The following MEIKIN variants were observed in gnomAD, a reference collection of about 807,000 sequenced individuals.
MEIKIN encodes the protein meiosis-specific kinetochore protein.
intron 8 of MEIKIN, among the ~76,000 whole-genome samples, chr5:131,885,273 A>ATTGGG (rs1475570526): frequency 6.6e-6 from 1 of 150,476 alleles, no homozygotes; most frequent in Non-Finnish European, 1.5e-5. Flanking sequence ...CAGTCCCAGT[A>ATTGGG]TTGGGAATTG....
intron 9 of MEIKIN, among the ~76,000 whole-genome samples, chr5:131,858,405 ACTC>A (rs1750231892): frequency 6.6e-6 from 1 of 152,152 alleles, no homozygotes; most frequent in East Asian, 1.9e-4. Flanking sequence ...CTGAAACTGA[ACTC>A]CTTCCTTATA....
At position 131,819,539 on chromosome 5, in the gene MEIKIN, G is replaced by A. The variant is rs575014366; in HGVS notation, c.976-676C>T. On this transcript the variant is annotated intron_variant, in intron 11 of 12. Transcript: ENST00000442687. ...ATATCTTGTTTTTTAGAATTAAGAA[G>A]CAGAGATGTATTTATCCAGGGCTTC... 4.0e-5 allele frequency among the ~76,000 whole-genome samples: 6 copies of A among 151,786 alleles called. No individual in the cohort carries two copies. In the East Asian group the frequency reaches 1.2e-3, roughly 29 times the overall value.
chr5:131,911,933 C>T (rs1751340675), intron 7 of MEIKIN, 54 bp from the exon 8 acceptor site: 1 of 396,064 alleles, frequency 2.5e-6, no homozygotes, highest in Non-Finnish European at 4.5e-6. Flanking sequence ...CAGTAACTTT[C>T]AAAAACCCTC....
intron 5 of MEIKIN, among the ~76,000 whole-genome samples, chr5:131,928,037 G>A (rs1000624672): frequency 2.0e-5 from 3 of 151,626 alleles, no homozygotes; most frequent in Admixed American, 6.6e-5. Context: ...CCAGCTACAC[G>A]GGAGGCTGAG....
chr5:131,892,868 G>C (rs979864020), intron 8 of MEIKIN, among the ~76,000 whole-genome samples: 3 of 152,148 alleles, frequency 2.0e-5, no homozygotes, highest in African/African-American at 7.2e-5. Flanking sequence ...GGTCTTTGAT[G>C]ATGGTGACGT....
chr5:131,871,077 G>A (rs1043828520), intron 9 of MEIKIN, among the ~76,000 whole-genome samples: 2 of 152,228 alleles, frequency 1.3e-5, no homozygotes, highest in South Asian at 2.1e-4. Flanking sequence ...CATGAGCGAC[G>A]CAGAAGACGG....
chr5:131,859,851 T>G (rs1400283062), intron 9 of MEIKIN, among the ~76,000 whole-genome samples: 2 of 152,154 alleles, frequency 1.3e-5, no homozygotes, highest in Non-Finnish European at 2.9e-5. Context: ...TTGTTGAAGA[T>G]CAGTTGGCTG....
At chr5:131,900,655 G>A (rs1050940546) in intron 8 of MEIKIN, among the ~76,000 whole-genome samples, 11 of 152,208 alleles carry the variant, frequency 7.2e-5, no homozygotes, top group African/African-American at 2.7e-4. Flanking sequence ...ACAGCCCAGG[G>A]TAGTCTTGCC....
At chr5:131,840,263 C>T (rs1320922234) in intron 11 of MEIKIN, among the ~76,000 whole-genome samples, 1 of 152,130 alleles carries the variant, frequency 6.6e-6, no homozygotes, top group Non-Finnish European at 1.5e-5. Context: ...TTGTGGGTGA[C>T]CTGACCTTTT....
At position 131,941,251 on chromosome 5, in the gene MEIKIN, C is replaced by T. The variant is rs561813300; in HGVS notation, c.349+1384G>A. 1.5e-4 allele frequency among the ~76,000 whole-genome samples: 21 copies of T among 139,272 alleles called. 1 individual carries two copies. The highest frequency in any genetic ancestry group is 6.1e-4 in the African/African-American group (21 of 34,276). 91.4% of individuals were successfully genotyped at this position (139,272 alleles called of 152,430 possible). ...TTGGCTCACTGCAACCTCCGCCTCCCGGGTTCAAGCGATTCTCTTGTCTCA... is the reference window on the plus strand; with the variant it reads ...TTGGCTCACTGCAACCTCCGCCTCCTGGGTTCAAGCGATTCTCTTGTCTCA... On this transcript the variant is annotated intron_variant, in intron 4 of 12. Coordinates refer to ENST00000442687, the MANE Select transcript of MEIKIN (RefSeq NM_001303622.2).
Position 131,844,308 on chromosome 5 carries a change from GA to G in MEIKIN, c.975+6955del, listed in dbSNP as rs1324996492. Reference sequence around the variant, plus strand: ...CACCTAAAACAACAAAAATAAATCAGAAAAAAATATATGAAACAACAGTTTT... The same window carrying G: ...CACCTAAAACAACAAAAATAAATCAGAAAAAATATATGAAACAACAGTTTT... On this transcript the variant is annotated intron_variant, in intron 11 of 12. Transcript: ENST00000442687. 2.0e-5 allele frequency among the ~76,000 whole-genome samples: 3 copies of G among 151,994 alleles called. No homozygotes were observed. In the South Asian group the frequency reaches 6.2e-4, roughly 32 times the overall value.
intron 8 of MEIKIN, among the ~76,000 whole-genome samples, chr5:131,890,090 GA>G (rs1750881583): frequency 6.6e-6 from 1 of 152,146 alleles, no homozygotes; most frequent in Non-Finnish European, 1.5e-5. Context: ...TAAGCTTTTT[GA>G]TGTGCTGCTG....
chr5:131,903,960 TA>T (rs200477532), intron 8 of MEIKIN, among the ~76,000 whole-genome samples: 15 of 143,730 alleles, frequency 1.0e-4, no homozygotes, highest in African/African-American at 3.3e-4. Context: ...CCAAGCCAAT[TA>T]AAAAAAAACA....
chr5:131,904,069 T>C, intron 8 of MEIKIN, among the ~76,000 whole-genome samples: 1 of 152,068 alleles, frequency 6.6e-6, no homozygotes, highest in African/African-American at 2.4e-5. Context: ...AAGAAGGGCA[T>C]TACATAATCT....
At chr5:131,831,470 T>C (rs900158226) in intron 11 of MEIKIN, among the ~76,000 whole-genome samples, 13 of 152,196 alleles carry the variant, frequency 8.5e-5, no homozygotes, top group Non-Finnish European at 1.5e-4. Flanking sequence ...AGTGGGGAGA[T>C]TGCTTAAGCC....
chr5:131,842,038 T>C (rs1489051172), intron 11 of MEIKIN, among the ~76,000 whole-genome samples: 1 of 152,010 alleles, frequency 6.6e-6, no homozygotes, highest in African/African-American at 2.4e-5. Context: ...TCTCACTCTG[T>C]CTCCAGTCTG....
intron 4 of MEIKIN, among the ~76,000 whole-genome samples, chr5:131,935,267 C>CAAAA (rs749135114): frequency 0.018 from 599 of 32,690 alleles, no homozygotes; most frequent in Middle Eastern, 0.042. Context: ...CCCGTCTCTA[C>CAAAA]AAAAAAAAAA....
intron 6 of MEIKIN, among the ~76,000 whole-genome samples, chr5:131,921,390 GC>G (rs1182340157): frequency 1.3e-5 from 2 of 151,374 alleles, no homozygotes; most frequent in Non-Finnish European, 2.9e-5. Context: ...GGGAGCAGTG[GC>G]TCACACCTGT....
rs112114120 is a variant in MEIKIN, at chr5:131,833,488, C to T, written c.976-14625G>A. Reference sequence around the variant, plus strand: ...GACCTCAAAACTGTTCCAACTTCTGCCTGATACCCAGTTCCAAAGTTGCTT... The same window carrying T: ...GACCTCAAAACTGTTCCAACTTCTGTCTGATACCCAGTTCCAAAGTTGCTT... On this transcript the variant is annotated intron_variant, in intron 11 of 12. Coordinates refer to ENST00000442687, the MANE Select transcript of MEIKIN (RefSeq NM_001303622.2). 3.3e-3 allele frequency among the ~76,000 whole-genome samples: 502 copies of T among 152,338 alleles called. 2 individuals are homozygous for T. The highest frequency in any genetic ancestry group is 0.012 in the African/African-American group (481 of 41,576).
Sources: gnomAD v4.1 joint callset for allele counts (sites outside exome capture counted in the v4.1 genomes callset) on GRCh38, gnomAD v4.1.1 for gene constraint, MANE v1.5 for transcripts, NCBI Gene and HGNC (gene_info 2026-07-23, HGNC 2026-07-21) for gene names.